Variants in HDAC8 observed in about 807,000 individuals in gnomAD.
The protein encoded by HDAC8 is histone deacetylase 8, also known as histone deacetylase-like 1.
HDAC8 carries 1 observed loss-of-function variant against 32.2 expected under a neutral mutation model. The observed-to-expected ratio is 0.03, with a 90% CI of 0.01 to 0.15. HDAC8 has a LOEUF of 0.15. Among genes scored for constraint, HDAC8 ranks in the 10% least tolerant of loss-of-function variants. The probability of loss-of-function intolerance (pLI) is 1.00; values close to 1 mark genes in which losing one functional copy is unlikely to be tolerated. For missense variants in HDAC8, 117 were observed against 300.0 expected, an observed-to-expected ratio of 0.39 and a Z score of 4.51; for synonymous variants, 108 against 113.9, an observed-to-expected ratio of 0.95 and a Z score of 0.33.
At chrX:72,525,279 C>T (rs187792694) in intron 4 of HDAC8, among the ~76,000 whole-genome samples, 2 of 111,372 alleles carry the variant, frequency 1.8e-5, no homozygotes, top group Admixed American at 1.9e-4. Flanking sequence ...CAGAGCAGAC[C>T]GTCAGTATGA....
intron 9 of HDAC8, among the ~76,000 whole-genome samples, chrX:72,407,056 T>C (rs2046059268): frequency 8.9e-6 from 1 of 112,851 alleles, no homozygotes; most frequent in African/African-American, 3.2e-5. Context: ...GACAGAATAA[T>C]GGCTCTCCAA....
chrX:72,550,244 C>G (rs188340688), intron 4 of HDAC8, among the ~76,000 whole-genome samples: 2 of 110,952 alleles, frequency 1.8e-5, no homozygotes, highest in East Asian at 5.7e-4. Flanking sequence ...GCTTGGCATT[C>G]AAGGACTCTT....
intron 4 of HDAC8, among the ~76,000 whole-genome samples, chrX:72,497,986 G>A (rs782441126): frequency 9.0e-6 from 1 of 110,900 alleles, no homozygotes; most frequent in South Asian, 3.8e-4. Context: ...AATTAAAGAA[G>A]TTGTTATAAA....
intron 9 of HDAC8, among the ~76,000 whole-genome samples, chrX:72,449,111 C>T (rs1329153973): frequency 8.9e-6 from 1 of 112,112 alleles, no homozygotes; most frequent in African/African-American, 3.2e-5. Flanking sequence ...TATAAAGACA[C>T]ATGAACACAT....
At chrX:72,515,492 C>CACA (rs2049764711) in intron 4 of HDAC8, among the ~76,000 whole-genome samples, 2 of 101,831 alleles carry the variant, frequency 2.0e-5, no homozygotes, top group Non-Finnish European at 3.9e-5. Context: ...CCTCCCTCAA[C>CACA]ATGCAAATTT....
Position 72,329,857 on chromosome X carries a change from C to A in HDAC8, c.*197G>T. 1 of 875,066 alleles carries A rather than the reference C, an allele frequency of 1.1e-6. No homozygotes were observed. Among genetic ancestry groups the A allele is most frequent in the Non-Finnish European group, 1.6e-6 (1 of 621,523 alleles). The allele number at this position is 875,066 out of a possible 1,213,427, so 72.1% of individuals were successfully genotyped here. A position where few individuals can be genotyped will look rare whatever the true frequency, so the allele number is the denominator to read the frequency against. On this transcript the variant is annotated 3_prime_UTR_variant, in exon 11 of 11. Transcript: ENST00000373573. Reference sequence around the variant, plus strand: ...GGATATCTCCTTCTTCCCCTAGGTCCAGTTGAGGACTCTGGGGTGCCTGCC... The same window carrying A: ...GGATATCTCCTTCTTCCCCTAGGTCAAGTTGAGGACTCTGGGGTGCCTGCC...
chrX:72,398,410 C>G (rs782355443), intron 9 of HDAC8, among the ~76,000 whole-genome samples: 2 of 111,171 alleles, frequency 1.8e-5, no homozygotes, highest in Non-Finnish European at 3.8e-5. Flanking sequence ...ACTGCAGTTG[C>G]AAACTCCTGG....
intron 4 of HDAC8, among the ~76,000 whole-genome samples, chrX:72,509,498 C>T (rs964848538): frequency 3.6e-5 from 4 of 111,495 alleles, no homozygotes; most frequent in Non-Finnish European, 7.5e-5. Context: ...CACTGATGGA[C>T]GAGTGAATAA....
chrX:72,409,631 C>A (rs1437910816), intron 9 of HDAC8, among the ~76,000 whole-genome samples: 1 of 112,787 alleles, frequency 8.9e-6, no homozygotes, highest in Non-Finnish European at 1.9e-5. Context: ...AATGCCCTTA[C>A]TCCTTTCTTC....
chrX:72,437,539 T>G, intron 9 of HDAC8, among the ~76,000 whole-genome samples: 1 of 111,269 alleles, frequency 9.0e-6, no homozygotes, highest in Non-Finnish European at 1.9e-5. Context: ...AGCCAAGTGG[T>G]CTAGCTCAGT....
chrX:72,388,531 C>T (rs2045519281), intron 9 of HDAC8, among the ~76,000 whole-genome samples: 1 of 108,487 alleles, frequency 9.2e-6, no homozygotes, highest in Admixed American at 1.0e-4. Flanking sequence ...GGCCTCCTAA[C>T]TGGCCTTTCT....
intron 4 of HDAC8, among the ~76,000 whole-genome samples, chrX:72,516,249 G>C (rs781936534): frequency 8.9e-6 from 1 of 112,100 alleles, no homozygotes; most frequent in South Asian, 3.8e-4. Context: ...AATGAGTTTA[G>C]TTTAATGGTA....
chrX:72,422,245 ATTCT>A (rs1313402351), intron 9 of HDAC8, among the ~76,000 whole-genome samples: 1 of 111,291 alleles, frequency 9.0e-6, no homozygotes, highest in Admixed American at 9.6e-5. Context: ...TTATTTAAAA[ATTCT>A]TTCTATCCCT....
intron 4 of HDAC8, among the ~76,000 whole-genome samples, chrX:72,498,862 TCC>T (rs1406059419): frequency 9.0e-6 from 1 of 111,587 alleles, no homozygotes; most frequent in Non-Finnish European, 1.9e-5. Context: ...TGAAATTTGA[TCC>T]CCAGTGTTGG....
At chrX:72,402,224 T>C (rs782247448) in intron 9 of HDAC8, among the ~76,000 whole-genome samples, 17 of 111,223 alleles carry the variant, frequency 1.5e-4, no homozygotes, top group Non-Finnish European at 3.0e-4. Flanking sequence ...ATTTTAGCAA[T>C]TTGAGTCTTC....
intron 10 of HDAC8, 68 bp downstream of exon 10, chrX:72,351,665 G>GC (rs1464117975): frequency 1.4e-6 from 1 of 722,938 alleles, no homozygotes. Flanking sequence ...ATTTAAGGAA[G>GC]CCCCCACTGA....
intron 4 of HDAC8, among the ~76,000 whole-genome samples, chrX:72,560,528 C>T (rs2051510275): frequency 9.9e-6 from 1 of 100,660 alleles, no homozygotes. Flanking sequence ...GCCAAATCCC[C>T]CTCTCCGAGA....
At chrX:72,537,206 A>T (rs2050558165) in intron 4 of HDAC8, among the ~76,000 whole-genome samples, 1 of 112,090 alleles carries the variant, frequency 8.9e-6, no homozygotes, top group Non-Finnish European at 1.9e-5. Context: ...AAGAAGACCA[A>T]CCTTTAATCA....
At chrX:72,428,479 A>G (rs2046716245) in intron 9 of HDAC8, among the ~76,000 whole-genome samples, 1 of 112,200 alleles carries the variant, frequency 8.9e-6, no homozygotes, top group Admixed American at 9.4e-5. Flanking sequence ...TAGTCATTTA[A>G]TACATGATTG....
Sources: allele counts gnomAD v4.1 joint callset (sites outside exome capture counted in the v4.1 genomes callset), GRCh38; gene constraint gnomAD v4.1.1; transcripts MANE v1.5; gene names NCBI Gene and HGNC (gene_info 2026-07-23, HGNC 2026-07-21).